ITK: variants seen among roughly 807,000 people sequenced by gnomAD.
ITK encodes IL2 inducible T cell kinase.
A neutral mutation model predicts 87.6 loss-of-function variants in ITK; 45 were observed. The ratio of observed to expected loss-of-function variants is 0.51; its 90% CI spans 0.40 to 0.66. ITK has a LOEUF of 0.66. Ranked by LOEUF, ITK falls within the 30% of genes least tolerant of loss-of-function variation. The probability of loss-of-function intolerance (pLI) is 0.00; values close to 1 mark genes in which losing one functional copy is unlikely to be tolerated. For synonymous variants in ITK, 303 were observed against 273.6 expected (o/e 1.11, Z -1.06); for missense variants, 605 against 766.3 (o/e 0.79, Z 2.48).
In ITK at chr5:157,244,976, A is replaced by G. The variant is rs769103273; in HGVS notation, c.1449+498A>G. On this transcript the variant is annotated intron_variant, in intron 13 of 16. Coordinates refer to ENST00000422843, the MANE Select transcript of ITK (RefSeq NM_005546.4). ...TGCGGTGGCTCATGCCTGTACTCCCAGCACTTTGGGAGGCCGAGGTGGGCG... is the reference window on the plus strand; with the variant it reads ...TGCGGTGGCTCATGCCTGTACTCCCGGCACTTTGGGAGGCCGAGGTGGGCG... 2.2e-4 allele frequency: 40 copies of G among 185,010 alleles called. 1 individual carries two copies. The highest frequency in any genetic ancestry group is 2.2e-4 in the Non-Finnish European group (19 of 86,550). The allele number at this position is 185,010 out of a possible 1,614,324, so 11.5% of individuals were successfully genotyped here.
intron 1 of ITK, among the ~76,000 whole-genome samples, chr5:157,194,268 A>G (rs371747449): frequency 5.3e-5 from 8 of 152,136 alleles, no homozygotes; most frequent in African/African-American, 1.9e-4. Flanking sequence ...GTGACTTTGC[A>G]GAGTGTGTTT....
At chr5:157,183,982 C>T (rs1199650843) in intron 1 of ITK, among the ~76,000 whole-genome samples, 1 of 152,080 alleles carries the variant, frequency 6.6e-6, no homozygotes, top group Non-Finnish European at 1.5e-5. Flanking sequence ...GGTTTTAGTT[C>T]TGGTGTTCGA....
In ITK at chr5:157,243,552, A is replaced by G. The variant is rs551308349; in HGVS notation, c.1061-71A>G. ...GCTAAAATTCTAGTTAGGGCTTTATAGTCCCCTGGTATCCCAATACCTTAT... is the reference window on the plus strand; with the variant it reads ...GCTAAAATTCTAGTTAGGGCTTTATGGTCCCCTGGTATCCCAATACCTTAT... On this transcript the variant is annotated intron_variant, in intron 11 of 16. Transcript: ENST00000422843. The G allele has an allele frequency of 8.4e-4, 1,061 of 1,270,268 alleles. 10 individuals carry two copies. In the South Asian group the frequency reaches 0.012, roughly 14 times the overall value. The allele number at this position is 1,270,268 out of a possible 1,614,324, so 78.7% of individuals were successfully genotyped here.
In ITK at chr5:157,244,487, A is replaced by G; in HGVS notation, c.1449+9A>G. On this transcript the variant is annotated intron_variant, in intron 13 of 16. Transcript: ENST00000422843. Reference sequence around the variant, plus strand: ...TCATCCACAGAGACTTGGTATGAGCATGCAGGGTGAACACCCACAGGTCCA... The same window carrying G: ...TCATCCACAGAGACTTGGTATGAGCGTGCAGGGTGAACACCCACAGGTCCA... 6.5e-7 allele frequency: 1 copy of G among 1,530,334 alleles called. No homozygotes were observed. The highest frequency in any genetic ancestry group is 9.1e-7 in the Non-Finnish European group (1 of 1,103,500). The allele number at this position is 1,530,334 out of a possible 1,614,324, so 94.8% of individuals were successfully genotyped here. A position where few individuals can be genotyped will look rare whatever the true frequency, so the allele number is the denominator to read the frequency against.
intron 5 of ITK, 47 bp from the exon 6 acceptor site, chr5:157,222,816 C>G (rs1454746466): frequency 6.2e-7 from 1 of 1,608,444 alleles, no homozygotes; most frequent in Non-Finnish European, 8.5e-7. Flanking sequence ...AGGCATTTTA[C>G]CTCCTTTTTT....
chr5:157,194,328 A>C (rs1222041243), intron 1 of ITK, among the ~76,000 whole-genome samples: 2 of 152,150 alleles, frequency 1.3e-5, no homozygotes, highest in Non-Finnish European at 2.9e-5. Flanking sequence ...CTGGACTTGT[A>C]AACCTGAGGA....
chr5:157,196,364 T>C (rs907692144), intron 1 of ITK, among the ~76,000 whole-genome samples: 8 of 152,184 alleles, frequency 5.3e-5, no homozygotes, highest in Non-Finnish European at 1.2e-4. Flanking sequence ...GCTAATCTGA[T>C]AGGGGTTTAA....
At chr5:157,202,284 G>A (rs977305316) in intron 1 of ITK, among the ~76,000 whole-genome samples, 1 of 152,124 alleles carries the variant, frequency 6.6e-6, no homozygotes, top group Non-Finnish European at 1.5e-5. Context: ...CACGATCTCA[G>A]CTCACTGAAA....
At chr5:157,220,305 G>A (rs1754389164) in intron 5 of ITK, among the ~76,000 whole-genome samples, 1 of 152,116 alleles carries the variant, frequency 6.6e-6, no homozygotes, top group Non-Finnish European at 1.5e-5. Context: ...ATACAAACAA[G>A]GTCGTATATC....
At position 157,207,378 on chromosome 5, in the gene ITK, T is replaced by TC. The variant is rs1491411046; in HGVS notation, c.139-1511_139-1510insC. On this transcript the variant is annotated intron_variant, in intron 1 of 16. Coordinates refer to ENST00000422843, the MANE Select transcript of ITK (RefSeq NM_005546.4). ...TTTATCACGTATCTAGATACGTCTCTTTTTTTTTTTTTTTTTTTTTTTTTT... is the reference window on the plus strand; with the variant it reads ...TTTATCACGTATCTAGATACGTCTCTCTTTTTTTTTTTTTTTTTTTTTTTTT... Among the ~76,000 whole-genome samples the TC allele has an allele frequency of 2.9e-3, 140 of 48,174 alleles. 1 individual carries two copies. Among genetic ancestry groups the TC allele is most frequent in the African/African-American group, 8.5e-3 (117 of 13,808 alleles). 31.6% of individuals were successfully genotyped at this position (48,174 alleles called of 152,430 possible). A position where few individuals can be genotyped will look rare whatever the true frequency, so the allele number is the denominator to read the frequency against.
intron 1 of ITK, among the ~76,000 whole-genome samples, chr5:157,187,348 C>G (rs1232920570): frequency 1.3e-5 from 2 of 152,174 alleles, no homozygotes; most frequent in Non-Finnish European, 2.9e-5. Flanking sequence ...CTGGCACACA[C>G]TATTCACTCA....
chr5:157,194,702 T>G (rs747282365), intron 1 of ITK, among the ~76,000 whole-genome samples: 9 of 152,362 alleles, frequency 5.9e-5, no homozygotes, highest in African/African-American at 9.6e-5. Flanking sequence ...TCTTTAATAG[T>G]TATGTATCTA....
intron 1 of ITK, among the ~76,000 whole-genome samples, chr5:157,201,982 C>T (rs1753985519): frequency 6.6e-6 from 1 of 152,120 alleles, no homozygotes; most frequent in South Asian, 2.1e-4. Flanking sequence ...TTTCAATTCC[C>T]ACCCTCCACC....
chr5:157,225,207 C>T (rs1754507151), intron 6 of ITK, among the ~76,000 whole-genome samples: 1 of 152,072 alleles, frequency 6.6e-6, no homozygotes, highest in Non-Finnish European at 1.5e-5. Flanking sequence ...GTTGCCCGGG[C>T]TTGTCTCAAA....
At chr5:157,234,387 A>G (rs1268401189) in intron 8 of ITK, among the ~76,000 whole-genome samples, 1 of 152,150 alleles carries the variant, frequency 6.6e-6, no homozygotes, top group Non-Finnish European at 1.5e-5. Flanking sequence ...CAGATTCTGG[A>G]TAGAATTGAA....
chr5:157,184,597 G>C (rs1311399132), intron 1 of ITK, among the ~76,000 whole-genome samples: 2 of 152,150 alleles, frequency 1.3e-5, no homozygotes, highest in Non-Finnish European at 2.9e-5. Flanking sequence ...TCATAGATTG[G>C]TGTGGCTCAC....
Position 157,214,244 on chromosome 5 carries a change from G to T in ITK, c.379G>T (p.Asp127Tyr), listed in dbSNP as rs1164090663. Residue 127 changes from aspartate (D) to tyrosine (Y), a missense_variant, in exon 4 of 17, where the codon GAT (aspartate) becomes TAT (tyrosine). Around this residue, in one of 3 missense-constraint regions of ITK, gnomAD observed 464 missense variants for 578.0 expected, o/e 0.80. Coordinates refer to ENST00000422843, the MANE Select transcript of ITK (RefSeq NM_005546.4). ...TAAATATCATCCTAATTTCTGGATG[G>T]ATGGGAAGTGGAGGTGCTGTTCTCA... Reference protein sequence around the residue: ...VPKYHPNFWMDGKWRCCSQLE... With the variant: ...VPKYHPNFWMYGKWRCCSQLE... 1.9e-6 allele frequency: 3 copies of T among 1,607,470 alleles called. No individual in the cohort carries two copies. Among genetic ancestry groups the T allele is most frequent in the Non-Finnish European group, 2.6e-6 (3 of 1,173,914 alleles).
At chr5:157,211,726 A>G (rs1207647607) in intron 3 of ITK, among the ~76,000 whole-genome samples, 3 of 152,226 alleles carry the variant, frequency 2.0e-5, no homozygotes, top group East Asian at 3.8e-4. Context: ...AACTCCTCGT[A>G]TAGTATGAAG....
chr5:157,244,874 G>T, intron 13 of ITK: 1 of 278,180 alleles, frequency 3.6e-6, no homozygotes, highest in Non-Finnish European at 7.1e-6. Flanking sequence ...TCTGGTGGCT[G>T]GGACTCAGGA....
Sources: allele counts gnomAD v4.1 joint callset (sites outside exome capture counted in the v4.1 genomes callset), GRCh38; gene constraint gnomAD v4.1.1; regional missense constraint gnomAD v4.1.1; transcripts MANE v1.5; gene names NCBI Gene and HGNC (gene_info 2026-07-23, HGNC 2026-07-21).